Variants in THSD7A observed in about 807,000 individuals in gnomAD.
THSD7A encodes thrombospondin type-1 domain-containing protein 7A.
In THSD7A, 96 loss-of-function variants were observed where a neutral mutation model predicts 231.3. The ratio of observed to expected loss-of-function variants is 0.41; its 90% CI spans 0.35 to 0.49. The LOEUF (loss-of-function observed/expected upper bound fraction) is 0.49. THSD7A is among the 20% of genes least tolerant of loss of function. The pLI, the probability that THSD7A is intolerant of heterozygous loss-of-function variation, is 0.05. For missense variants in THSD7A, 2,290 were observed against 2,070.2 expected, an observed-to-expected ratio of 1.11 and a Z score of -2.06; for synonymous variants, 940 against 743.3, an observed-to-expected ratio of 1.26 and a Z score of -4.30.
At chr7:11,825,493 G>T (rs1046016719) in intron 1 of THSD7A, among the ~76,000 whole-genome samples, 2 of 152,082 alleles carry the variant, frequency 1.3e-5, no homozygotes, top group Non-Finnish European at 2.9e-5. Flanking sequence ...GAAAAGAAAA[G>T]ATGCTTAAGA....
intron 2 of THSD7A, among the ~76,000 whole-genome samples, chr7:11,600,853 C>T (rs952802611): frequency 8.5e-5 from 13 of 152,152 alleles, no homozygotes; most frequent in Non-Finnish European, 1.5e-5. Flanking sequence ...ACAATTACAG[C>T]TCAAAGCATC....
At chr7:11,521,040 A>G (rs1583897852) in intron 6 of THSD7A, among the ~76,000 whole-genome samples, 1 of 152,206 alleles carries the variant, frequency 6.6e-6, no homozygotes, top group Admixed American at 6.5e-5. Flanking sequence ...AAATGTAATC[A>G]TTTAAAATGT....
intron 4 of THSD7A, among the ~76,000 whole-genome samples, chr7:11,585,770 C>G (rs1779869835): frequency 6.6e-6 from 1 of 152,096 alleles, no homozygotes; most frequent in Non-Finnish European, 1.5e-5. Flanking sequence ...TGCACTCACA[C>G]ACACACCCAC....
intron 9 of THSD7A, among the ~76,000 whole-genome samples, chr7:11,464,500 AT>A (rs1011325048): frequency 1.3e-4 from 20 of 152,262 alleles, no homozygotes; most frequent in Middle Eastern, 3.4e-3. Flanking sequence ...GCTACCAAAC[AT>A]TAATGTTTCA....
intron 1 of THSD7A, among the ~76,000 whole-genome samples, chr7:11,730,392 T>C (rs117375734): frequency 6.6e-6 from 1 of 151,680 alleles, no homozygotes; most frequent in Non-Finnish European, 1.5e-5. Context: ...AACTTCACAA[T>C]CTTCCTTTTT....
At chr7:11,517,528 A>AGGG (rs1788083992) in intron 6 of THSD7A, among the ~76,000 whole-genome samples, 1 of 152,202 alleles carries the variant, frequency 6.6e-6, no homozygotes, top group South Asian at 2.1e-4. Flanking sequence ...AGCACAAGAG[A>AGGG]ATCAGATAAA....
At chr7:11,595,184 C>G (rs1780315498) in intron 2 of THSD7A, among the ~76,000 whole-genome samples, 2 of 152,176 alleles carry the variant, frequency 1.3e-5, no homozygotes, top group Non-Finnish European at 2.9e-5. Flanking sequence ...CCCAACACCC[C>G]TGTTTGCTTC....
intron 1 of THSD7A, among the ~76,000 whole-genome samples, chr7:11,731,236 C>T (rs1164821817): frequency 1.3e-5 from 2 of 151,390 alleles, no homozygotes; most frequent in East Asian, 3.9e-4. Context: ...GATTATTTTA[C>T]TCTTTATTTT....
At chr7:11,690,778 C>T (rs1780208183) in intron 1 of THSD7A, among the ~76,000 whole-genome samples, 1 of 151,714 alleles carries the variant, frequency 6.6e-6, no homozygotes, top group African/African-American at 2.4e-5. Context: ...TAAAATTAAA[C>T]ATTTATTTAT....
At chr7:11,757,349 C>T (rs1260811810) in intron 1 of THSD7A, among the ~76,000 whole-genome samples, 1 of 151,900 alleles carries the variant, frequency 6.6e-6, no homozygotes, top group South Asian at 2.1e-4. Flanking sequence ...TCAGCTTTTC[C>T]AAAACACCAA....
At chr7:11,402,984 C>A (rs979660512) in intron 22 of THSD7A, among the ~76,000 whole-genome samples, 1 of 152,074 alleles carries the variant, frequency 6.6e-6, no homozygotes, top group African/African-American at 2.4e-5. Context: ...AGTGCAATTG[C>A]TGGGCCATAG....
intron 1 of THSD7A, among the ~76,000 whole-genome samples, chr7:11,829,816 TAAAG>T (rs1421100606): frequency 2.0e-5 from 3 of 150,648 alleles, no homozygotes; most frequent in African/African-American, 7.3e-5. Flanking sequence ...AAAAAAAAAA[TAAAG>T]AAGTCATTAT....
intron 1 of THSD7A, among the ~76,000 whole-genome samples, chr7:11,675,340 C>A (rs183362358): frequency 2.4e-4 from 36 of 152,182 alleles, no homozygotes; most frequent in Non-Finnish European, 5.0e-4. Context: ...AACTGGGGGG[C>A]CATTTGGGCA....
At chr7:11,825,283 CTGTCAT>C (rs1784992723) in intron 1 of THSD7A, among the ~76,000 whole-genome samples, 1 of 152,108 alleles carries the variant, frequency 6.6e-6, no homozygotes, top group South Asian at 2.1e-4. Context: ...ATCAGAACTT[CTGTCAT>C]TGTTCTAAGG....
intron 2 of THSD7A, among the ~76,000 whole-genome samples, chr7:11,607,054 C>T (rs928140307): frequency 6.6e-6 from 1 of 151,778 alleles, no homozygotes; most frequent in African/African-American, 2.4e-5. Context: ...AGAAGCTTTT[C>T]AAGGTAGATG....
At chr7:11,469,438 C>G (rs1785844925) in intron 9 of THSD7A, among the ~76,000 whole-genome samples, 1 of 152,092 alleles carries the variant, frequency 6.6e-6, no homozygotes, top group African/African-American at 2.4e-5. Flanking sequence ...GGCCATTTTT[C>G]TCTTTCTTTT....
At chr7:11,529,628 T>C (rs1365900826) in intron 6 of THSD7A, among the ~76,000 whole-genome samples, 1 of 152,138 alleles carries the variant, frequency 6.6e-6, no homozygotes, top group African/African-American at 2.4e-5. Flanking sequence ...CGCTGCCATA[T>C]AAGGCATGCC....
intron 17 of THSD7A, chr7:11,414,025 C>CA (rs1415691747): frequency 2.0e-5 from 3 of 152,234 alleles, no homozygotes; most frequent in African/African-American, 7.2e-5. Flanking sequence ...GTACTAACTC[C>CA]ATCTTCCATG....
Position 11,694,804 on chromosome 7 carries a change from C to T in THSD7A, c.191-57843G>A, listed in dbSNP as rs552117256. The stretch of plus-strand genomic sequence containing the variant: ...AATGTAATAGCATATTATACTCCAT[C>T]TCCTACAAATATAAATTCATTTATA... On this transcript the variant is annotated intron_variant, in intron 1 of 27. Coordinates refer to ENST00000423059, the MANE Select transcript of THSD7A (RefSeq NM_015204.3). 9.9e-5 allele frequency among the ~76,000 whole-genome samples: 15 copies of T among 151,678 alleles called. No individual in the cohort carries two copies. In the South Asian group the frequency reaches 2.5e-3, roughly 25 times the overall value.
Sources: allele counts gnomAD v4.1 joint callset (sites outside exome capture counted in the v4.1 genomes callset), GRCh38; gene constraint gnomAD v4.1.1; transcripts MANE v1.5; gene names NCBI Gene and HGNC (gene_info 2026-07-23, HGNC 2026-07-21).